Variants in PHYH observed in about 807,000 individuals in gnomAD.
PHYH encodes the protein phytanoyl-CoA 2-hydroxylase, also known as phytanoyl-CoA dioxygenase, peroxisomal.
PHYH carries 32 observed loss-of-function variants against 38.5 expected under a neutral mutation model. The observed-to-expected ratio is 0.83, with a 90% CI of 0.63 to 1.12. PHYH has a LOEUF of 1.12. Among genes scored for constraint, PHYH ranks in the 50% most tolerant of loss-of-function variants. The pLI is 0.00. For missense variants in PHYH, 426 were observed against 434.8 expected, an observed-to-expected ratio of 0.98 and a Z score of 0.18; for synonymous variants, 166 against 157.9, an observed-to-expected ratio of 1.05 and a Z score of -0.38.
At chr10:13,284,215 C>G (rs1351860821) in intron 6 of PHYH, among the ~76,000 whole-genome samples, 1 of 152,020 alleles carries the variant, frequency 6.6e-6, no homozygotes, top group Non-Finnish European at 1.5e-5. Flanking sequence ...CCCAGCTACT[C>G]AGGAGGCTGA....
intron 2 of PHYH, among the ~76,000 whole-genome samples, chr10:13,297,797 T>G (rs565383304): frequency 7.1e-6 from 1 of 140,810 alleles, no homozygotes; most frequent in South Asian, 2.5e-4. Flanking sequence ...AACTGAATTT[T>G]TAAAAGTCAG....
At chr10:13,294,245 A>G (rs1267279132) in intron 4 of PHYH, among the ~76,000 whole-genome samples, 183 bp downstream of exon 4, 2 of 152,054 alleles carry the variant, frequency 1.3e-5, no homozygotes, top group African/African-American at 4.8e-5. Flanking sequence ...TACTCAATTC[A>G]ACTCCTTTCC....
chr10:13,289,308 G>T (rs1241402111), intron 5 of PHYH, among the ~76,000 whole-genome samples: 1 of 152,110 alleles, frequency 6.6e-6, no homozygotes, highest in Non-Finnish European at 1.5e-5. Context: ...CCATTCTCCT[G>T]CCTCAGCCTC....
intron 8 of PHYH, among the ~76,000 whole-genome samples, chr10:13,279,509 T>TTGACC (rs1396675106): frequency 6.6e-6 from 1 of 152,246 alleles, no homozygotes; most frequent in Non-Finnish European, 1.5e-5. Flanking sequence ...ATTTTCAGAT[T>TTGACC]TGACCTGACT....
At chr10:13,280,906 T>G in intron 8 of PHYH, 70 bp downstream of exon 8, 8 of 1,405,140 alleles carry the variant, frequency 5.7e-6, no homozygotes, top group South Asian at 2.3e-5. Context: ...AAACTAGGTA[T>G]GAGAATTATG....
chr10:13,295,239 G>A (rs1445197681), intron 3 of PHYH: 3 of 458,320 alleles, frequency 6.5e-6, no homozygotes, highest in Admixed American at 7.1e-5. Flanking sequence ...TGAGGCAAGA[G>A]GATTGCTTGA....
intron 7 of PHYH, among the ~76,000 whole-genome samples, chr10:13,281,403 T>TG (rs1205673723): frequency 6.6e-6 from 1 of 152,028 alleles, no homozygotes; most frequent in Non-Finnish European, 1.5e-5. Flanking sequence ...TATTTAGTTT[T>TG]TTTTTTTTTT....
intron 5 of PHYH, among the ~76,000 whole-genome samples, chr10:13,289,466 A>T (rs1243143277): frequency 6.6e-6 from 1 of 151,438 alleles, no homozygotes; most frequent in East Asian, 2.0e-4. Context: ...AAGTGCTGGG[A>T]TTCCAGGCGT....
chr10:13,283,417 C>A (rs912516995), intron 7 of PHYH, among the ~76,000 whole-genome samples: 1 of 152,106 alleles, frequency 6.6e-6, no homozygotes, highest in African/African-American at 2.4e-5. Flanking sequence ...GCATGAGCCA[C>A]CGCGCCCGGC....
chr10:13,288,345 G>C lies in PHYH; in HGVS notation c.678+15C>G, dbSNP rs140995522. On this transcript the variant is annotated intron_variant, in intron 6 of 8. Transcript: ENST00000263038. ...AGGAGATTCGGATCAAGACTCAGCC[G>C]CCGGGCAGACCTACCTCCCACTTGG... 1 of 1,612,280 alleles carries C rather than the reference G, an allele frequency of 6.2e-7. No homozygotes were observed. The highest frequency in any genetic ancestry group is 1.1e-5 in the South Asian group (1 of 90,986).
chr10:13,282,389 G>A (rs973908693), intron 7 of PHYH, among the ~76,000 whole-genome samples: 4 of 152,090 alleles, frequency 2.6e-5, no homozygotes, highest in Admixed American at 6.6e-5. Flanking sequence ...CCAGGAGTTC[G>A]AGACCAGATT....
At position 13,278,766 on chromosome 10, in the gene PHYH, G is replaced by C. The variant is rs1013603948; in HGVS notation, c.964-412C>G. 3.9e-5 allele frequency among the ~76,000 whole-genome samples: 6 copies of C among 152,158 alleles called. No individual in the cohort carries two copies. The South Asian group carries it at 1.0e-3, about 26-fold the overall frequency. On this transcript the variant is annotated intron_variant, in intron 8 of 8. Transcript: ENST00000263038. ...ACTGATCTCAAACTCCTGGCCTCAA[G>C]TGATCTGTCCGCCTTGGCCTTGCAA...
At position 13,278,121 on chromosome 10, in the gene PHYH, T is replaced by A; in HGVS notation, c.*180A>T. 1 of 583,470 alleles carries A rather than the reference T, an allele frequency of 1.7e-6. No individual in the cohort carries two copies. Among genetic ancestry groups the A allele is most frequent in the South Asian group, 1.9e-5 (1 of 52,752 alleles). 36.1% of individuals were successfully genotyped at this position (583,470 alleles called of 1,614,324 possible). A position where few individuals can be genotyped will look rare whatever the true frequency, so the allele number is the denominator to read the frequency against. On this transcript the variant is annotated 3_prime_UTR_variant, in exon 9 of 9. Coordinates refer to ENST00000263038, the MANE Select transcript of PHYH (RefSeq NM_006214.4). ...TATTTCACTTTTACTGTTTTTTTTT[T>A]CCATTAAAGCAACACCATTGTGCTG...
At position 13,295,209 on chromosome 10, in the gene PHYH, G is replaced by A. The variant is rs911038648; in HGVS notation, c.245+287C>T. 6.3e-5 allele frequency: 25 copies of A among 399,654 alleles called. No homozygotes were observed. In the East Asian group the frequency reaches 1.3e-3, roughly 21 times the overall value. The allele number at this position is 399,654 out of a possible 1,614,324, so 24.8% of individuals were successfully genotyped here. ...CTGGGTATGGTGGTGCACAACTGTGGTCCCAGCTACTCAGGAGGCTGAGGC... is the reference window on the plus strand; with the variant it reads ...CTGGGTATGGTGGTGCACAACTGTGATCCCAGCTACTCAGGAGGCTGAGGC... On this transcript the variant is annotated intron_variant, in intron 3 of 8. Transcript: ENST00000263038.
At position 13,278,304 on chromosome 10, in the gene PHYH, A is replaced by G. The variant is rs201516744; in HGVS notation, c.1014T>C (p.Leu338=). The G allele has an allele frequency of 3.3e-5, 53 of 1,608,832 alleles. No individual in the cohort carries two copies. In the African/African-American group the frequency reaches 6.4e-4, roughly 19 times the overall value. ...AGAGTTATAGCAGATGGCTATTTCA[A>G]AGATTGGTTCTTTCTCCTTTCACAA... The part of the protein sequence containing the change: ...ARLVKGERTN[L] Residue 338 remains leucine (L), a synonymous_variant, in exon 9 of 9, where the codon CTT becomes CTC. Coordinates refer to ENST00000263038, the MANE Select transcript of PHYH (RefSeq NM_006214.4).
At chr10:13,290,217 C>T (rs923346407) in intron 5 of PHYH, among the ~76,000 whole-genome samples, 6 of 151,602 alleles carry the variant, frequency 4.0e-5, no homozygotes, top group African/African-American at 1.2e-4. Context: ...ATCACTCAAA[C>T]CCCAGAGGCA....
chr10:13,281,855 TG>T (rs1835421032), intron 7 of PHYH, among the ~76,000 whole-genome samples: 1 of 152,224 alleles, frequency 6.6e-6, no homozygotes, highest in Non-Finnish European at 1.5e-5. Flanking sequence ...TAAGCCCTGG[TG>T]CCATACGGCA....
At chr10:13,278,696 CT>C (rs1195431273) in intron 8 of PHYH, among the ~76,000 whole-genome samples, 1 of 151,706 alleles carries the variant, frequency 6.6e-6, no homozygotes, top group East Asian at 1.9e-4. Flanking sequence ...GCCCAGCTAA[CT>C]TTTTGTATTT....
rs563392018 is a variant in PHYH at position 13,288,471 on chromosome 10, G to C, written c.567C>G (p.Ile189Met). 16 of 1,614,214 alleles carry C rather than the reference G, an allele frequency of 9.9e-6. No homozygotes were observed. The South Asian group carries it at 1.2e-4, about 12-fold the overall frequency. ...HYFPFRPSDL[I>M]VCAWTAMEHI... ...GCTCCATCGCCGTCCAGGCGCAAACGATGAGATCGCTGGGCCTGAAGGGGA... is the reference window on the plus strand; with the variant it reads ...GCTCCATCGCCGTCCAGGCGCAAACCATGAGATCGCTGGGCCTGAAGGGGA... The change falls in exon 6 of 9, where the codon ATC becomes ATG. Residue 189 changes from isoleucine (I) to methionine (M), a missense_variant. Physicochemically the swap from Ile to Met is conservative, Grantham distance 10. Transcript: ENST00000263038.
Sources: allele counts gnomAD v4.1 joint callset (sites outside exome capture counted in the v4.1 genomes callset), GRCh38; gene constraint gnomAD v4.1.1; transcripts MANE v1.5; gene names NCBI Gene and HGNC (gene_info 2026-07-23, HGNC 2026-07-21).